The following NRG2 variants were observed in gnomAD, a reference collection of about 807,000 sequenced individuals.
NRG2 encodes the protein neuregulin 2.
NRG2 carries 27 observed loss-of-function variants against 73.9 expected under a neutral mutation model. The observed-to-expected ratio is 0.37, with a 90% CI of 0.27 to 0.50. The LOEUF (loss-of-function observed/expected upper bound fraction) is 0.50, where lower values mean the gene tolerates loss of function less well. NRG2 is among the 20% of genes least tolerant of loss of function. The pLI, the probability that NRG2 is intolerant of heterozygous loss-of-function variation, is 0.96. For synonymous variants in NRG2, 532 were observed against 541.0 expected, an observed-to-expected ratio of 0.98 and a Z score of 0.23; for missense variants, 1,126 against 1,210.1, an observed-to-expected ratio of 0.93 and a Z score of 1.03.
At chr5:139,914,004 A>G (rs1269580488) in intron 1 of NRG2, among the ~76,000 whole-genome samples, 2 of 152,068 alleles carry the variant, frequency 1.3e-5, no homozygotes, top group African/African-American at 4.8e-5. Flanking sequence ...AAATACAAAA[A>G]TTAGCCAGGC....
chr5:139,907,084 C>T (rs1389266257), intron 1 of NRG2, among the ~76,000 whole-genome samples: 1 of 151,968 alleles, frequency 6.6e-6, no homozygotes, highest in African/African-American at 2.4e-5. Flanking sequence ...GGTGTGTGTA[C>T]ATATGAGTGT....
At position 139,852,167 on chromosome 5, in the gene NRG2, G is replaced by C. The variant is rs1761480369; in HGVS notation, c.1544+265C>G. 6.6e-6 allele frequency among the ~76,000 whole-genome samples: 1 copy of C among 152,190 alleles called. No individual in the cohort carries two copies. The highest frequency in any genetic ancestry group is 2.1e-4 in the South Asian group (1 of 4,824). Reference sequence around the variant, plus strand: ...TACCTATCTCAGAAGCCCAGCCCCAGGGGCCAGTATGTGAGGGCCCTGACT... The same window carrying C: ...TACCTATCTCAGAAGCCCAGCCCCACGGGCCAGTATGTGAGGGCCCTGACT... On this transcript the variant is annotated intron_variant, in intron 8 of 9. Transcript: ENST00000361474. The surrounding 1 kb of genome is among the most constrained non-coding windows in gnomAD (Gnocchi z 4.4).
chr5:139,966,351 T>C (rs1056348872), intron 1 of NRG2, among the ~76,000 whole-genome samples: 2 of 152,182 alleles, frequency 1.3e-5, no homozygotes, highest in Admixed American at 6.5e-5. Flanking sequence ...TGAGGATCCC[T>C]CCACGAAACA....
rs1212967514 is a variant in NRG2 at position 140,043,234 on chromosome 5, G to A, written c.-165C>T. 2.2e-5 allele frequency: 15 copies of A among 691,196 alleles called. No homozygotes were observed. Among genetic ancestry groups the A allele is most frequent in the Admixed American group, 3.3e-5 (1 of 30,500 alleles). The allele number at this position is 691,196 out of a possible 1,614,324, so 42.8% of individuals were successfully genotyped here. On this transcript the variant is annotated 5_prime_UTR_variant, in exon 1 of 10. Coordinates refer to ENST00000361474, the MANE Select transcript of NRG2 (RefSeq NM_004883.3). This position sits in a 1 kb window ranked among gnomAD's most constrained non-coding sequence, Gnocchi z 6.7. The stretch of plus-strand genomic sequence containing the variant: ...TAGGGCAGGGGGCAGGCGGCAAGCG[G>A]GCCGCGATGCGCAGCGCGGCGCAGC...
At chr5:140,018,915 G>C (rs535663611) in intron 1 of NRG2, among the ~76,000 whole-genome samples, 2 of 152,318 alleles carry the variant, frequency 1.3e-5, no homozygotes, top group South Asian at 4.1e-4. Context: ...CAGCAGAAAA[G>C]CTGAATTCTG....
In NRG2 at chr5:140,038,731, A is replaced by G. The variant is rs531471146; in HGVS notation, c.700+3639T>C. 2.3e-3 allele frequency among the ~76,000 whole-genome samples: 348 copies of G among 152,318 alleles called. 2 individuals carry two copies. The highest frequency in any genetic ancestry group is 7.7e-3 in the African/African-American group (322 of 41,584). On this transcript the variant is annotated intron_variant, in intron 1 of 9. Transcript: ENST00000361474. Reference sequence around the variant, plus strand: ...AGAAAGAAGACCTCAAAGATAAGCTATTGTTCCTACCCCAAGAATGCAGTC... The same window carrying G: ...AGAAAGAAGACCTCAAAGATAAGCTGTTGTTCCTACCCCAAGAATGCAGTC...
chr5:139,851,883 C>T lies in NRG2; in HGVS notation c.1545-52G>A. 6.5e-7 allele frequency: 1 copy of T among 1,546,530 alleles called. No homozygotes were observed. The highest frequency in any genetic ancestry group is 1.8e-5 in the Admixed American group (1 of 56,418). ...AGGGGTCAGGAAGGGGCAGGGCGGC[C>T]CAGCAGGTGTGGTCCCATGGACCTC... is the stretch of plus-strand genomic sequence containing the variant. On this transcript the variant is annotated intron_variant, in intron 8 of 9. Coordinates refer to ENST00000361474, the MANE Select transcript of NRG2 (RefSeq NM_004883.3). The surrounding 1 kb of genome is among the most constrained non-coding windows in gnomAD (Gnocchi z 4.2).
intron 1 of NRG2, among the ~76,000 whole-genome samples, chr5:140,031,453 G>A (rs1452319582): frequency 2.0e-5 from 3 of 152,044 alleles, no homozygotes; most frequent in Non-Finnish European, 4.4e-5. Context: ...ATCCTGTAAT[G>A]GTCTGAGACT....
chr5:139,942,675 C>T (rs148777953), intron 1 of NRG2, among the ~76,000 whole-genome samples: 174 of 152,322 alleles, frequency 1.1e-3, no homozygotes, highest in African/African-American at 4.0e-3. Context: ...ATGTTTCTCC[C>T]AATGTCCACA....
intron 1 of NRG2, among the ~76,000 whole-genome samples, chr5:139,989,097 G>A (rs563017432): frequency 1.3e-5 from 2 of 152,112 alleles, no homozygotes; most frequent in East Asian, 3.9e-4. Context: ...CAACTTAGAT[G>A]TACCATAAGA....
At chr5:139,964,103 T>G (rs1755287856) in intron 1 of NRG2, among the ~76,000 whole-genome samples, 1 of 152,122 alleles carries the variant, frequency 6.6e-6, no homozygotes. Flanking sequence ...GCCCCCAAAT[T>G]TGGCAGGACC....
rs546760537 is a variant in NRG2, at chr5:139,913,562, C to T, written c.701-26051G>A. Reference sequence around the variant, plus strand: ...GCCAGAGGATTCATAGCTGAATGGCCTGAGGGGTCCCTATGAGAGCCTTTG... The same window carrying T: ...GCCAGAGGATTCATAGCTGAATGGCTTGAGGGGTCCCTATGAGAGCCTTTG... On this transcript the variant is annotated intron_variant, in intron 1 of 9. Transcript: ENST00000361474. Among the ~76,000 whole-genome samples, 28 of 152,360 alleles carry T rather than the reference C, an allele frequency of 1.8e-4. No individual in the cohort carries two copies. In the South Asian group the frequency reaches 5.6e-3, roughly 30 times the overall value.
rs1163297713 is a variant in NRG2, at chr5:139,887,599, G to C, written c.701-88C>G. 6.4e-6 allele frequency: 8 copies of C among 1,246,594 alleles called. No individual in the cohort carries two copies. The highest frequency in any genetic ancestry group is 9.1e-6 in the Non-Finnish European group (8 of 877,454). 77.2% of individuals were successfully genotyped at this position (1,246,594 alleles called of 1,614,324 possible). A position where few individuals can be genotyped will look rare whatever the true frequency, so the allele number is the denominator to read the frequency against. On this transcript the variant is annotated intron_variant, in intron 1 of 9. Coordinates refer to ENST00000361474, the MANE Select transcript of NRG2 (RefSeq NM_004883.3). This position sits in a 1 kb window ranked among gnomAD's most constrained non-coding sequence, Gnocchi z 4.5. Reference sequence around the variant, plus strand: ...GTGGAGAGTAAGGGCCACTGTCTTTGGGCTGGAACTGGGGAAGGGAAGGGT... The same window carrying C: ...GTGGAGAGTAAGGGCCACTGTCTTTCGGCTGGAACTGGGGAAGGGAAGGGT...
At chr5:139,862,180 G>A (rs553638074) in intron 5 of NRG2, among the ~76,000 whole-genome samples, 12 of 152,270 alleles carry the variant, frequency 7.9e-5, no homozygotes, top group Non-Finnish European at 1.3e-4. Flanking sequence ...CCCTTTAAGC[G>A]TTTTCTTCTG....
chr5:139,848,508 GGGGGGCGCC>G lies in NRG2; in HGVS notation c.1953_1961del (p.Ala652_Pro654del). 1 of 1,377,780 alleles carries G rather than the reference GGGGGGCGCC, an allele frequency of 7.3e-7. No individual in the cohort carries two copies. Among genetic ancestry groups the G allele is most frequent in the Non-Finnish European group, 9.3e-7 (1 of 1,078,200 alleles). The allele number at this position is 1,377,780 out of a possible 1,614,324, so 85.3% of individuals were successfully genotyped here. ...CGGGCCCGGGTCCGGGTCCCGGGCCGGGGGGCGCCGGGTGCCGCAGTAACGGCTGCTGCT... is the reference window on the plus strand; with the variant it reads ...CGGGCCCGGGTCCGGGTCCCGGGCCGGGGTGCCGCAGTAACGGCTGCTGCT... On this transcript the variant is annotated inframe_deletion, in exon 10 of 10. Transcript: ENST00000361474.
At chr5:140,035,186 T>A (rs1053103116) in intron 1 of NRG2, among the ~76,000 whole-genome samples, 4 of 152,208 alleles carry the variant, frequency 2.6e-5, no homozygotes, top group African/African-American at 9.7e-5. Context: ...AATGCTGCTC[T>A]TGCTGCATGA....
At chr5:140,041,666 T>TA (rs762926051) in intron 1 of NRG2, among the ~76,000 whole-genome samples, 23,561 of 91,848 alleles carry the variant, frequency 0.26, 2,469 homozygotes, top group African/African-American at 0.32. Flanking sequence ...CAGAAACAGC[T>TA]AAAAAAAAAA....
intron 1 of NRG2, among the ~76,000 whole-genome samples, chr5:140,007,866 C>T (rs1217766017): frequency 1.3e-5 from 2 of 152,206 alleles, no homozygotes. Context: ...TGGCCCAAAC[C>T]TTGTCCCTTA....
Position 139,851,510 on chromosome 5 carries a change from T to C in NRG2, c.1772+94A>G, listed in dbSNP as rs947787621. On this transcript the variant is annotated intron_variant, in intron 9 of 9. Coordinates refer to ENST00000361474, the MANE Select transcript of NRG2 (RefSeq NM_004883.3). The surrounding 1 kb of genome is among the most constrained non-coding windows in gnomAD (Gnocchi z 4.2). ...TATGAAAAATGGAGATGAGGCTCTT[T>C]GGAGTGTTTCTGAGGGGCCCTAAGG... The C allele has an allele frequency of 4.2e-6, 5 of 1,183,860 alleles. No homozygotes were observed. In the African/African-American group the frequency reaches 4.5e-5, roughly 11 times the overall value. 73.3% of individuals were successfully genotyped at this position (1,183,860 alleles called of 1,614,324 possible).
Sources: allele counts gnomAD v4.1 joint callset (sites outside exome capture counted in the v4.1 genomes callset), GRCh38; gene constraint gnomAD v4.1.1; non-coding constraint Gnocchi (gnomAD v3.1); transcripts MANE v1.5; gene names NCBI Gene and HGNC (gene_info 2026-07-23, HGNC 2026-07-21).